CDIN1: variants seen among roughly 807,000 people sequenced by gnomAD.
CDIN1 encodes CDAN1 interacting nuclease 1, also known as CDAN1-interacting nuclease 1.
Under a neutral mutation model 45.3 loss-of-function variants are expected in CDIN1, and 33 were observed. The observed-to-expected ratio is 0.73, with a 90% CI of 0.55 to 0.97. CDIN1 has a LOEUF of 0.97. CDIN1 is among the 50% of genes least tolerant of loss of function. The probability of loss-of-function intolerance (pLI) is 0.00; values close to 1 mark genes in which losing one functional copy is unlikely to be tolerated. For missense variants in CDIN1, 303 were observed against 339.4 expected (o/e 0.89, Z 0.84); for synonymous variants, 118 against 124.4 (o/e 0.95, Z 0.34).
intron 10 of CDIN1, chr15:36,734,410 TAA>T (rs397796356): frequency 1.0e-4 from 39 of 387,388 alleles, no homozygotes; most frequent in East Asian, 2.3e-4. Flanking sequence ...TTTTTTTTTT[TAA>T]AAAAAGCTCA....
intron 10 of CDIN1, among the ~76,000 whole-genome samples, chr15:36,748,157 A>G (rs973807328): frequency 3.3e-5 from 5 of 152,150 alleles, no homozygotes; most frequent in Non-Finnish European, 7.3e-5. Flanking sequence ...AATGGGCACA[A>G]TTTGGATTCT....
intron 3 of CDIN1, chr15:36,647,437 C>T (rs535058368): frequency 5.9e-5 from 9 of 152,204 alleles, no homozygotes; most frequent in South Asian, 2.1e-4. Flanking sequence ...TCAATTATTT[C>T]GAGGAGTTAC....
chr15:36,624,582 G>A (rs1056049173), intron 1 of CDIN1, among the ~76,000 whole-genome samples: 1 of 152,234 alleles, frequency 6.6e-6, no homozygotes, highest in East Asian at 1.9e-4. Flanking sequence ...CAAATAGTTT[G>A]CTTGACCTCC....
intron 10 of CDIN1, chr15:36,799,069 G>A (rs2054918656): frequency 6.6e-6 from 1 of 152,182 alleles, no homozygotes; most frequent in African/African-American, 2.4e-5. Context: ...CCTTTGGCGT[G>A]TTTCCCTGGG....
chr15:36,800,903 G>GTATA (rs1372710724), intron 10 of CDIN1, among the ~76,000 whole-genome samples: 41 of 20,004 alleles, frequency 2.0e-3, no homozygotes, highest in Non-Finnish European at 2.8e-3. Flanking sequence ...GTGTGTGTGT[G>GTATA]TGTGTGTATA....
rs1351017534 is a variant in CDIN1 at position 36,638,674 on chromosome 15, T to C, written c.102-5604T>C. On this transcript the variant is annotated intron_variant, in intron 1 of 10. Coordinates refer to ENST00000566621, the MANE Select transcript of CDIN1 (RefSeq NM_001321759.2). ...TCTTTAAAAACATAAAAGAACAACA[T>C]TTTTTATGAAGTTAAAGAAAAACTG... 2.0e-5 allele frequency among the ~76,000 whole-genome samples: 3 copies of C among 152,228 alleles called. No homozygotes were observed. In the East Asian group the frequency reaches 5.8e-4, roughly 29 times the overall value.
intron 10 of CDIN1, among the ~76,000 whole-genome samples, chr15:36,725,123 AG>A (rs1247471163): frequency 6.6e-6 from 1 of 152,150 alleles, no homozygotes; most frequent in Non-Finnish European, 1.5e-5. Context: ...CAATGCTGAA[AG>A]GGTCTGACCT....
At chr15:36,613,430 G>A in intron 1 of CDIN1, 4 of 1,455,862 alleles carry the variant, frequency 2.7e-6, no homozygotes, top group Non-Finnish European at 1.9e-6. Context: ...GCTGAGTGGA[G>A]GAGGCAGGAA....
chr15:36,804,186 T>G (rs541683953), intron 10 of CDIN1, among the ~76,000 whole-genome samples: 2 of 152,332 alleles, frequency 1.3e-5, no homozygotes, highest in South Asian at 2.1e-4. Context: ...TGCTTCTATA[T>G]ATATTAAAGT....
intron 1 of CDIN1, chr15:36,626,945 TTGATGACCTCA>T: frequency 5.2e-6 from 1 of 193,376 alleles, no homozygotes; most frequent in Admixed American, 5.8e-5. Context: ...GTTCACAGGC[TTGATGACCTCA>T]TCCATGGACC....
chr15:36,618,020 A>G, intron 1 of CDIN1: 1 of 782,144 alleles, frequency 1.3e-6, no homozygotes, highest in Non-Finnish European at 2.3e-6. Context: ...GCCTGTATAT[A>G]ATCTTCACCA....
Position 36,618,803 on chromosome 15 carries a change from G to T in CDIN1, c.102-25475G>T, listed in dbSNP as rs2039018661. 36 of 784,732 alleles carry T rather than the reference G, an allele frequency of 4.6e-5. No individual in the cohort carries two copies. In the South Asian group the frequency reaches 4.8e-4, roughly 11 times the overall value. 48.6% of individuals were successfully genotyped at this position (784,732 alleles called of 1,614,324 possible). On this transcript the variant is annotated intron_variant, in intron 1 of 10. Transcript: ENST00000566621. ...AAAGGATCTAATAGAGGATTCCTCT[G>T]TTCAGAAGGATGGTCTCAACCAGAC...
chr15:36,662,105 T>G (rs1440516032), intron 5 of CDIN1, among the ~76,000 whole-genome samples: 1 of 152,210 alleles, frequency 6.6e-6, no homozygotes, highest in Non-Finnish European at 1.5e-5. Context: ...ACTGATGTTT[T>G]TGCTTATGTC....
At chr15:36,690,792 AC>A (rs1326622512) in intron 5 of CDIN1, among the ~76,000 whole-genome samples, 1 of 152,042 alleles carries the variant, frequency 6.6e-6, no homozygotes, top group African/African-American at 2.4e-5. Context: ...AATAATCGAT[AC>A]CTAGGCAACA....
At chr15:36,719,218 T>C (rs1264614560) in intron 10 of CDIN1, among the ~76,000 whole-genome samples, 1 of 152,134 alleles carries the variant, frequency 6.6e-6, no homozygotes, top group Admixed American at 6.6e-5. Flanking sequence ...AGTGAGACTC[T>C]GTCTCTAAAA....
At chr15:36,791,755 A>G (rs1332094066) in intron 10 of CDIN1, among the ~76,000 whole-genome samples, 1 of 152,030 alleles carries the variant, frequency 6.6e-6, no homozygotes, top group African/African-American at 2.4e-5. Context: ...GTGATCATCG[A>G]TGTGTTTTAG....
chr15:36,653,658 G>A (rs1290676589), intron 3 of CDIN1, among the ~76,000 whole-genome samples: 1 of 152,096 alleles, frequency 6.6e-6, no homozygotes. Flanking sequence ...CTGTTCCATC[G>A]TTTTCTTAAT....
At chr15:36,787,451 A>G (rs563452645) in intron 10 of CDIN1, among the ~76,000 whole-genome samples, 1 of 152,362 alleles carries the variant, frequency 6.6e-6, no homozygotes, top group East Asian at 1.9e-4. Context: ...AATAATAAGA[A>G]TGATGCAAAG....
intron 2 of CDIN1, among the ~76,000 whole-genome samples, chr15:36,644,548 T>C (rs969304615): frequency 1.3e-5 from 2 of 152,166 alleles, no homozygotes; most frequent in African/African-American, 4.8e-5. Context: ...TAATAAATTA[T>C]GCTAAACCAT....
Sources: gnomAD v4.1 joint callset for allele counts (sites outside exome capture counted in the v4.1 genomes callset) on GRCh38, gnomAD v4.1.1 for gene constraint, MANE v1.5 for transcripts, NCBI Gene and HGNC (gene_info 2026-07-23, HGNC 2026-07-21) for gene names.